ABHD16A: variants seen among roughly 807,000 people sequenced by gnomAD.
The protein encoded by ABHD16A is abhydrolase domain containing 16A, phospholipase.
Under a neutral mutation model 89.8 loss-of-function variants are expected in ABHD16A, and 47 were observed. That is an observed-to-expected ratio of 0.52 (90% confidence interval 0.41 to 0.67). ABHD16A has a LOEUF of 0.67. Among genes scored for constraint, ABHD16A ranks in the 30% least tolerant of loss-of-function variants. ABHD16A has a pLI of 0.00. For missense variants in ABHD16A, 580 were observed against 734.6 expected (o/e 0.79, Z 2.43); for synonymous variants, 251 against 280.4 (o/e 0.90, Z 1.05).
chr6:31,688,795 G>C lies in ABHD16A; in HGVS notation c.1187-9C>G. On this transcript the variant is annotated splice_polypyrimidine_tract_variant and intron_variant, in intron 13 of 19. Coordinates refer to ENST00000395952, the MANE Select transcript of ABHD16A (RefSeq NM_021160.3). The surrounding 1 kb of genome is among the most constrained non-coding windows in gnomAD (Gnocchi z 4.9). ...CCTGGTCACCAGGCCCCCTAGAGTG[G>C]GATAAAGGTGAAGGGATGGCAGAGA... 1 of 1,612,506 alleles carries C rather than the reference G, an allele frequency of 6.2e-7. No homozygotes were observed. Among genetic ancestry groups the C allele is most frequent in the Non-Finnish European group, 8.5e-7 (1 of 1,179,704 alleles).
At chr6:31,699,762 G>A (rs1285982054) in intron 4 of ABHD16A, among the ~76,000 whole-genome samples, 2 of 152,096 alleles carry the variant, frequency 1.3e-5, no homozygotes, top group Non-Finnish European at 2.9e-5. Context: ...TATTTTTTCT[G>A]AGATGGAGCC....
rs527546655 is a variant in ABHD16A at position 31,695,636 on chromosome 6, T to A, written c.429+1312A>T. On this transcript the variant is annotated intron_variant, in intron 5 of 19. Transcript: ENST00000395952. ...TACTTGGGAGGCTGAGGCAGGAGAATCGCTTGAACCCAGGAGGCGGAGGTT... is the reference window on the plus strand; with the variant it reads ...TACTTGGGAGGCTGAGGCAGGAGAAACGCTTGAACCCAGGAGGCGGAGGTT... Among the ~76,000 whole-genome samples, 11 of 151,978 alleles carry A rather than the reference T, an allele frequency of 7.2e-5. No homozygotes were observed. The South Asian group carries it at 1.5e-3, about 20-fold the overall frequency.
At position 31,687,731 on chromosome 6, in the gene ABHD16A, T is replaced by C. The variant is rs768698611; in HGVS notation, c.1457A>G (p.Tyr486Cys). The change falls in exon 18 of 20, where the codon TAT (tyrosine) becomes TGT (cysteine). Residue 486 changes from tyrosine to cysteine, a missense_variant. Physicochemically the swap from Tyr to Cys is radical, Grantham distance 194. Transcript: ENST00000395952. The surrounding 1 kb of genome is among the most constrained non-coding windows in gnomAD (Gnocchi z 6.3). Reference protein sequence around the residue: ...ASSQLEEASIYSRWEVEEDWC... With the variant: ...ASSQLEEASICSRWEVEEDWC... Reference sequence around the variant, plus strand: ...GTCCTCTTCCACCTCCCATCGGCTATAAATTGAGGCTGGTCAGGGAGAGAG... The same window carrying C: ...GTCCTCTTCCACCTCCCATCGGCTACAAATTGAGGCTGGTCAGGGAGAGAG... 3.1e-6 allele frequency: 5 copies of C among 1,612,806 alleles called. No homozygotes were observed. Among genetic ancestry groups the C allele is most frequent in the South Asian group, 1.1e-5 (1 of 91,078 alleles).
Position 31,702,617 on chromosome 6 carries a change from C to A in ABHD16A, c.133-487G>T, listed in dbSNP as rs775764724. ...GAATATTTAGAACAGCCTACCACCACCCGCCAGCTCTCCAGAATACAATGA... is the reference window on the plus strand; with the variant it reads ...GAATATTTAGAACAGCCTACCACCAACCGCCAGCTCTCCAGAATACAATGA... On this transcript the variant is annotated intron_variant, in intron 1 of 19. Coordinates refer to ENST00000395952, the MANE Select transcript of ABHD16A (RefSeq NM_021160.3). The A allele has an allele frequency of 2.7e-6, 4 of 1,486,772 alleles. No individual in the cohort carries two copies. In the South Asian group the frequency reaches 5.3e-5, roughly 20 times the overall value. The allele number at this position is 1,486,772 out of a possible 1,614,324, so 92.1% of individuals were successfully genotyped here.
rs761624021 is a variant in ABHD16A, at chr6:31,687,990, A to T, written c.1370+51T>A. 8.1e-6 allele frequency: 13 copies of T among 1,611,862 alleles called. No homozygotes were observed. The highest frequency in any genetic ancestry group is 9.3e-6 in the Non-Finnish European group (11 of 1,179,288). The stretch of plus-strand genomic sequence containing the variant: ...CTCCCTCCTTCCCTGTGCTGGTATC[A>T]GTATCTGTGTGTGTACACTGCCCCC... On this transcript the variant is annotated intron_variant, in intron 16 of 19. Coordinates refer to ENST00000395952, the MANE Select transcript of ABHD16A (RefSeq NM_021160.3). This position sits in a 1 kb window ranked among gnomAD's most constrained non-coding sequence, Gnocchi z 6.3.
Position 31,688,111 on chromosome 6 carries a change from T to C in ABHD16A, c.1308-8A>G, listed in dbSNP as rs758771125. 3.1e-6 allele frequency: 5 copies of C among 1,609,500 alleles called. No homozygotes were observed. The highest frequency in any genetic ancestry group is 4.2e-6 in the Non-Finnish European group (5 of 1,177,456). ...ATGATGTCCTCAGGAACCCTGGGGG[T>C]GAGAAGAATGTACCCTGGAGGGGCT... On this transcript the variant is annotated splice_polypyrimidine_tract_variant and splice_region_variant and intron_variant, in intron 15 of 19. Transcript: ENST00000395952. This position sits in a 1 kb window ranked among gnomAD's most constrained non-coding sequence, Gnocchi z 4.9.
intron 4 of ABHD16A, among the ~76,000 whole-genome samples, chr6:31,699,591 G>A (rs1804730682): frequency 6.6e-6 from 1 of 151,606 alleles, no homozygotes; most frequent in African/African-American, 2.4e-5. Context: ...TGTTTATCTG[G>A]AGACAGAGTC....
At chr6:31,701,723 AG>A (rs1158326349) in intron 2 of ABHD16A, among the ~76,000 whole-genome samples, 3 of 152,322 alleles carry the variant, frequency 2.0e-5, no homozygotes, top group East Asian at 3.9e-4. Flanking sequence ...ACGTCACCAC[AG>A]GAACTGTGCC....
At chr6:31,702,606 G>A in intron 1 of ABHD16A, 1 of 1,475,064 alleles carries the variant, frequency 6.8e-7, no homozygotes, top group South Asian at 1.4e-5. Flanking sequence ...ATTTAGAACA[G>A]CCTACCACCA....
intron 4 of ABHD16A, among the ~76,000 whole-genome samples, chr6:31,699,484 T>C (rs1804722050): frequency 6.7e-6 from 1 of 149,724 alleles, no homozygotes; most frequent in African/African-American, 2.6e-5. Flanking sequence ...CACATCCCTT[T>C]TGAATTTTAT....
In ABHD16A at chr6:31,689,098, TA is replaced by T. The variant is rs1562094691; in HGVS notation, c.1102del (p.Tyr368ThrfsTer7). 6.2e-7 allele frequency: 1 copy of T among 1,613,928 alleles called. No homozygotes were observed. Among genetic ancestry groups the T allele is most frequent in the Non-Finnish European group, 8.5e-7 (1 of 1,179,938 alleles). On this transcript the variant is annotated frameshift_variant, in exon 13 of 20. Transcript: ENST00000395952. LOFTEE classifies it high-confidence loss of function. ...GFTATWAAMSYPDVSAMILDA... is the reference protein window; with the variant it reads ...GFTATWAAMSXPDVSAMILDA... ...CAGGATCATGGCACTAACATCTGGGTAGGACATGGCTGCCCACGTGGCTGGT... is the reference window on the plus strand; with the variant it reads ...CAGGATCATGGCACTAACATCTGGGTGGACATGGCTGCCCACGTGGCTGGT...
At chr6:31,702,529 T>G in intron 1 of ABHD16A, 1 of 1,210,444 alleles carries the variant, frequency 8.3e-7, no homozygotes, top group South Asian at 1.9e-5. Context: ...GAAGAGAATG[T>G]GGGTAGGAGC....
chr6:31,697,173 C>T (rs374177884), intron 4 of ABHD16A, 140 bp from the exon 5 acceptor site: 8 of 731,712 alleles, frequency 1.1e-5, no homozygotes, highest in African/African-American at 7.1e-5. Flanking sequence ...GCATAGGATG[C>T]GGAGAAATAG....
intron 12 of ABHD16A, 104 bp from the exon 13 acceptor site, chr6:31,689,223 C>T (rs1183664126): frequency 9.8e-7 from 1 of 1,022,820 alleles, no homozygotes; most frequent in East Asian, 2.6e-5. Context: ...CCCATTCCCC[C>T]TATGTTATCC....
chr6:31,687,437 G>A lies in ABHD16A; in HGVS notation c.1593+61C>T. The A allele has an allele frequency of 1.2e-6, 2 of 1,611,618 alleles. No individual in the cohort carries two copies. Among genetic ancestry groups the A allele is most frequent in the Non-Finnish European group, 1.7e-6 (2 of 1,178,768 alleles). On this transcript the variant is annotated intron_variant, in intron 19 of 19. Transcript: ENST00000395952. This position sits in a 1 kb window ranked among gnomAD's most constrained non-coding sequence, Gnocchi z 6.3. ...TTCCAATGCTTATAGGGTATCCCCA[G>A]TCCCCCTATGTGAGCCCTGGCCATT... is the stretch of plus-strand genomic sequence containing the variant.
In ABHD16A at chr6:31,688,766, C is replaced by A. The variant is rs769265532; in HGVS notation, c.1207G>T (p.Val403Leu). 1 of 1,613,002 alleles carries A rather than the reference C, an allele frequency of 6.2e-7. No homozygotes were observed. Among genetic ancestry groups the A allele is most frequent in the Non-Finnish European group, 8.5e-7 (1 of 1,179,980 alleles). ...DSWRGLVTRT[V>L]RQHLNLNNAE... The stretch of plus-strand genomic sequence containing the variant: ...TTGTTTAGATTGAGATGCTGCCTCA[C>A]GGTCCTGGTCACCAGGCCCCCTAGA... The change falls in exon 14 of 20, where the codon GTG becomes TTG. Residue 403 changes from valine to leucine, a missense_variant. By Grantham distance (32) the Val-to-Leu change is conservative. Transcript: ENST00000395952. This position sits in a 1 kb window ranked among gnomAD's most constrained non-coding sequence, Gnocchi z 4.9.
intron 1 of ABHD16A, chr6:31,702,507 G>A (rs936761464): frequency 3.1e-5 from 33 of 1,065,494 alleles, no homozygotes; most frequent in Non-Finnish European, 4.3e-5. Flanking sequence ...AGAAATAAGA[G>A]TAGTTGACTA....
Position 31,693,578 on chromosome 6 carries a change from A to C in ABHD16A, c.430-146T>G. ...GGAGGTCAATACCCTCCCAATTCTC[A>C]GATGGAAAATTCTAACAGGACCAGA... On this transcript the variant is annotated intron_variant, in intron 5 of 19. Transcript: ENST00000395952. This position sits in a 1 kb window ranked among gnomAD's most constrained non-coding sequence, Gnocchi z 5.0. The C allele has an allele frequency of 1.4e-6, 1 of 731,482 alleles. No individual in the cohort carries two copies. Among genetic ancestry groups the C allele is most frequent in the Non-Finnish European group, 2.3e-6 (1 of 434,298 alleles). 45.3% of individuals were successfully genotyped at this position (731,482 alleles called of 1,614,324 possible).
chr6:31,701,382 C>T (rs1262684521), intron 2 of ABHD16A, 42 bp from the exon 3 acceptor site: 2 of 1,493,776 alleles, frequency 1.3e-6, no homozygotes, highest in Non-Finnish European at 1.9e-6. Flanking sequence ...TACACACACA[C>T]ACACACACCT....
Sources: gnomAD v4.1 joint callset for allele counts (sites outside exome capture counted in the v4.1 genomes callset) on GRCh38, gnomAD v4.1.1 for gene constraint, Gnocchi (gnomAD v3.1) non-coding constraint, MANE v1.5 for transcripts, NCBI Gene and HGNC (gene_info 2026-07-23, HGNC 2026-07-21) for gene names.